GPSM2: variants seen among roughly 807,000 people sequenced by gnomAD.
GPSM2 encodes the protein G protein signaling modulator 2.
GPSM2 carries 58 observed loss-of-function variants against 78.4 expected under a neutral mutation model. The ratio of observed to expected loss-of-function variants is 0.74; its 90% CI spans 0.60 to 0.92. The LOEUF is 0.92. Ranked by LOEUF, GPSM2 falls within the 40% of genes least tolerant of loss-of-function variation. The pLI, the probability that GPSM2 is intolerant of heterozygous loss-of-function variation, is 0.00. For synonymous variants in GPSM2, 224 were observed against 280.2 expected, an observed-to-expected ratio of 0.80 and a Z score of 2.00; for missense variants, 700 against 815.5, an observed-to-expected ratio of 0.86 and a Z score of 1.73.
At position 108,896,993 on chromosome 1, in the gene GPSM2, C is replaced by A; in HGVS notation, c.186C>A (p.Ser62Arg). Residue 62 changes from serine (S) to arginine (R), a missense_variant, in exon 3 of 15, where the codon AGC becomes AGA. Ser to Arg is a moderately radical substitution (Grantham distance 110). Transcript: ENST00000264126. The stretch of plus-strand genomic sequence containing the variant: ...GAACTGAAGACCTAAAAACACTTAG[C>A]GCTATTTACAGCCAGTTGGGCAATG... ...QVGTEDLKTL[S>R]AIYSQLGNAY... 1 of 1,613,764 alleles carries A rather than the reference C, an allele frequency of 6.2e-7. No individual in the cohort carries two copies. Among genetic ancestry groups the A allele is most frequent in the Non-Finnish European group, 8.5e-7 (1 of 1,179,670 alleles).
chr1:108,913,570 T>A (rs981457099), intron 10 of GPSM2, among the ~76,000 whole-genome samples: 8 of 152,268 alleles, frequency 5.3e-5, no homozygotes, highest in African/African-American at 1.7e-4. Flanking sequence ...AAAACCAATA[T>A]AGTTTCAAAA....
At chr1:108,902,430 G>T (rs1648897103) in intron 8 of GPSM2, among the ~76,000 whole-genome samples, 1 of 151,932 alleles carries the variant, frequency 6.6e-6, no homozygotes, top group Admixed American at 6.6e-5. Context: ...GGGAATTGTG[G>T]TGAACTTAGA....
At chr1:108,923,916 A>G in intron 13 of GPSM2, 84 bp from the exon 14 acceptor site, 1 of 948,342 alleles carries the variant, frequency 1.1e-6, no homozygotes, top group South Asian at 1.3e-5. Context: ...GAAAAGATCT[A>G]GGTATATAAT....
intron 13 of GPSM2, 94 bp from the exon 14 acceptor site, chr1:108,923,906 G>T: frequency 1.1e-6 from 1 of 914,948 alleles, no homozygotes; most frequent in Non-Finnish European, 1.8e-6. Context: ...TGGCAAGGCC[G>T]AAAAGATCTA....
chr1:108,912,881 C>CT (rs1447126751), intron 10 of GPSM2, among the ~76,000 whole-genome samples: 4 of 100,058 alleles, frequency 4.0e-5, no homozygotes, highest in South Asian at 3.5e-4. Flanking sequence ...CCTGTCTCTA[C>CT]TTTAAAAAAA....
intron 7 of GPSM2, among the ~76,000 whole-genome samples, chr1:108,900,137 A>G (rs72699216): frequency 0.039 from 5,946 of 152,220 alleles, 199 homozygotes; most frequent in Non-Finnish European, 0.063. Context: ...AAGTAATGAA[A>G]CTTAGTTTTT....
intron 1 of GPSM2, among the ~76,000 whole-genome samples, chr1:108,879,268 G>A (rs1665776997): frequency 6.6e-6 from 1 of 152,146 alleles, no homozygotes; most frequent in African/African-American, 2.4e-5. Context: ...CACTATTGTA[G>A]GATTCTTTGG....
At chr1:108,878,620 A>G (rs975134939) in intron 1 of GPSM2, among the ~76,000 whole-genome samples, 1 of 152,220 alleles carries the variant, frequency 6.6e-6, no homozygotes, top group South Asian at 2.1e-4. Flanking sequence ...TATCTTTAGA[A>G]ATTTGTAATT....
chr1:108,892,158 T>G (rs1222754939), intron 2 of GPSM2, among the ~76,000 whole-genome samples: 2 of 152,184 alleles, frequency 1.3e-5, no homozygotes, highest in Non-Finnish European at 2.9e-5. Flanking sequence ...TGGAGAGTAG[T>G]CTTATTTTGC....
Position 108,901,697 on chromosome 1 carries a change from A to G in GPSM2, c.798-93A>G, listed in dbSNP as rs1197006799. On this transcript the variant is annotated intron_variant, in intron 7 of 14. Transcript: ENST00000264126. ...TCTCAGAGATTTAAAGACAGCAGAA[A>G]GCAGCAGAGAGGAAAAATGAGAGTT... 5 of 916,994 alleles carry G rather than the reference A, an allele frequency of 5.5e-6. No individual in the cohort carries two copies. The East Asian group carries it at 7.2e-5, about 13-fold the overall frequency. The allele number at this position is 916,994 out of a possible 1,614,324, so 56.8% of individuals were successfully genotyped here. A position where few individuals can be genotyped will look rare whatever the true frequency, so the allele number is the denominator to read the frequency against.
chr1:108,931,337 A>ATGAT lies in GPSM2; in HGVS notation c.*1398_*1401dup, dbSNP rs1252714608. 32 of 1,550,656 alleles carry ATGAT rather than the reference A, an allele frequency of 2.1e-5. No homozygotes were observed. In the East Asian group the frequency reaches 6.8e-4, roughly 33 times the overall value. On this transcript the variant is annotated 3_prime_UTR_variant, in exon 15 of 15. Coordinates refer to ENST00000264126, the MANE Select transcript of GPSM2 (RefSeq NM_013296.5). ...GATATTGAAGGCAGTTTACAAGGGG[A>ATGAT]TGATAACAAAGTAACTAACTAACTG...
chr1:108,930,546 C>G lies in GPSM2; in HGVS notation c.*606C>G, dbSNP rs1403907008. 3 of 152,148 alleles carry G rather than the reference C, an allele frequency of 2.0e-5. No homozygotes were observed. Among genetic ancestry groups the G allele is most frequent in the African/African-American group, 4.9e-5 (2 of 40,838 alleles). 9.4% of individuals were successfully genotyped at this position (152,148 alleles called of 1,614,324 possible). On this transcript the variant is annotated 3_prime_UTR_variant, in exon 15 of 15. Coordinates refer to ENST00000264126, the MANE Select transcript of GPSM2 (RefSeq NM_013296.5). ...GCTGAGGCAGGAGGATCGCTTGAGG[C>G]TAGGAGTTCAAGACCAACCTGGGCA...
At chr1:108,923,134 G>A (rs1218699081) in intron 13 of GPSM2, among the ~76,000 whole-genome samples, 1 of 152,166 alleles carries the variant, frequency 6.6e-6, no homozygotes, top group Non-Finnish European at 1.5e-5. Flanking sequence ...TTGGGCTCAA[G>A]TGATCCTCCT....
chr1:108,924,664 GAA>G (rs569940289), intron 14 of GPSM2, among the ~76,000 whole-genome samples: 1 of 152,176 alleles, frequency 6.6e-6, no homozygotes, highest in Non-Finnish European at 1.5e-5. Context: ...AGTATCTAGA[GAA>G]AGAGTATTCC....
At chr1:108,928,428 A>G (rs1453127002) in intron 14 of GPSM2, among the ~76,000 whole-genome samples, 3 of 152,228 alleles carry the variant, frequency 2.0e-5, no homozygotes, top group Non-Finnish European at 4.4e-5. Context: ...AATTTATGAC[A>G]GGAGAAATGA....
intron 10 of GPSM2, 84 bp from the exon 11 acceptor site, chr1:108,914,254 T>C (rs1649998999): frequency 1.1e-6 from 1 of 895,392 alleles, no homozygotes; most frequent in East Asian, 2.4e-5. Flanking sequence ...TGTATCAGAT[T>C]TTAGAACTGA....
intron 14 of GPSM2, chr1:108,926,161 C>T (rs977405797): frequency 6.6e-6 from 1 of 152,128 alleles, no homozygotes; most frequent in South Asian, 2.1e-4. Context: ...GTGCTAAGAA[C>T]CCACCTGAGG....
At chr1:108,909,466 CAT>C (rs934133229) in intron 10 of GPSM2, 7 of 152,090 alleles carry the variant, frequency 4.6e-5, no homozygotes, top group Non-Finnish European at 5.9e-5. Context: ...AATCTGAAAA[CAT>C]AACATTTCTC....
chr1:108,919,888 G>A (rs1363814828), intron 12 of GPSM2, among the ~76,000 whole-genome samples: 4 of 152,128 alleles, frequency 2.6e-5, no homozygotes, highest in East Asian at 3.9e-4. Context: ...TTTATCTGCC[G>A]GGTGCAGTGG....
Sources: allele counts gnomAD v4.1 joint callset (sites outside exome capture counted in the v4.1 genomes callset), GRCh38; gene constraint gnomAD v4.1.1; transcripts MANE v1.5; gene names NCBI Gene and HGNC (gene_info 2026-07-23, HGNC 2026-07-21).